Variants in GCC2 observed in about 807,000 individuals in gnomAD.
GCC2 encodes GRIP and coiled-coil domain containing 2.
A neutral mutation model predicts 210.6 loss-of-function variants in GCC2; 120 were observed. That is an observed-to-expected ratio of 0.57 (90% CI 0.49 to 0.66). GCC2 has a LOEUF of 0.66. GCC2 is among the 30% of genes least tolerant of loss of function. The pLI is 0.00. For missense variants in GCC2, 1,868 were observed against 1,871.9 expected, an observed-to-expected ratio of 1.00 and a Z score of 0.04; for synonymous variants, 703 against 652.7, an observed-to-expected ratio of 1.08 and a Z score of -1.17.
intron 19 of GCC2, chr2:108,495,062 T>C (rs1407243760): frequency 2.9e-5 from 8 of 279,806 alleles, no homozygotes; most frequent in Non-Finnish European, 5.5e-5. Context: ...CCACCCACCT[T>C]AGCCTCCCAA....
At chr2:108,500,461 T>G (rs1212595481) in intron 22 of GCC2, among the ~76,000 whole-genome samples, 2 of 152,172 alleles carry the variant, frequency 1.3e-5, no homozygotes, top group East Asian at 3.8e-4. Context: ...TGCAGTGAGC[T>G]GTCACGCCAC....
intron 9 of GCC2, among the ~76,000 whole-genome samples, chr2:108,480,433 A>G (rs1681792068): frequency 6.6e-6 from 1 of 152,222 alleles, no homozygotes. Flanking sequence ...TCATTGTGTC[A>G]TAAAGACACA....
Position 108,507,925 on chromosome 2 carries a change from G to A in GCC2, c.*295G>A, listed in dbSNP as rs914948277. ...CCACTTCTCTGGAACCTCAGGACCC[G>A]CCCATTTCTCGGCAGTACTGTGAAT... On this transcript the variant is annotated 3_prime_UTR_variant, in exon 23 of 23. Transcript: ENST00000309863. 10 of 247,138 alleles carry A rather than the reference G, an allele frequency of 4.0e-5. No homozygotes were observed. Among genetic ancestry groups the A allele is most frequent in the East Asian group, 2.2e-4 (2 of 9,260 alleles). The allele number at this position is 247,138 out of a possible 1,614,324, so 15.3% of individuals were successfully genotyped here. A position where few individuals can be genotyped will look rare whatever the true frequency, so the allele number is the denominator to read the frequency against.
At chr2:108,468,555 G>A (rs1404372657) in intron 4 of GCC2, among the ~76,000 whole-genome samples, 1 of 152,058 alleles carries the variant, frequency 6.6e-6, no homozygotes, top group Non-Finnish European at 1.5e-5. Context: ...GAGGGAGGAA[G>A]GACATAGATT....
In GCC2 at chr2:108,455,729, A is replaced by G. The variant is rs535017347; in HGVS notation, c.216+3263A>G. Among the ~76,000 whole-genome samples, 16 of 152,222 alleles carry G rather than the reference A, an allele frequency of 1.1e-4. 1 individual carries two copies. The East Asian group carries it at 3.1e-3, about 29-fold the overall frequency. ...AACATAATGACCTCCAGCTCCATCC[A>G]TATTCCTGGAAATGGCGTGATCTTA... On this transcript the variant is annotated intron_variant, in intron 4 of 22. Transcript: ENST00000309863.
At chr2:108,486,438 G>A (rs1372512572) in intron 15 of GCC2, 73 bp from the exon 16 acceptor site, 1 of 1,449,740 alleles carries the variant, frequency 6.9e-7, no homozygotes, top group East Asian at 2.3e-5. Context: ...CCTAAAGTTT[G>A]TATTTTAAGG....
chr2:108,495,742 T>C (rs4012138), intron 20 of GCC2: 15 of 237,298 alleles, frequency 6.3e-5, no homozygotes, highest in East Asian at 1.0e-4. Flanking sequence ...TGAGGAGCAG[T>C]GAGAGCCAGT....
At chr2:108,452,776 C>T (rs745385525) in intron 4 of GCC2, among the ~76,000 whole-genome samples, 28 of 146,434 alleles carry the variant, frequency 1.9e-4, no homozygotes, top group Non-Finnish European at 2.8e-4. Context: ...TCACTGTAAC[C>T]TCTGCCTCCC....
In GCC2 at chr2:108,481,790, A is replaced by G. The variant is rs1331317699; in HGVS notation, c.3154A>G (p.Arg1052Gly). The G allele has an allele frequency of 1.3e-6, 2 of 1,578,496 alleles. No homozygotes were observed. Among genetic ancestry groups the G allele is most frequent in the East Asian group, 2.3e-5 (1 of 44,290 alleles). The stretch of plus-strand genomic sequence containing the variant: ...TGAGCATCGTATTGAAGACCTTACA[A>G]GACAATTAAGAAATTCGACTTTGCA... ...NFEHRIEDLT[R>G]QLRNSTLQCE... The change falls in exon 10 of 23, where the codon AGA becomes GGA. Residue 1052 changes from arginine to glycine, a missense_variant. Physicochemically the swap from Arg to Gly is moderately radical, Grantham distance 125. This residue lies in a region of GCC2 where 1,847 missense variants were observed against 1,765.2 expected (regional missense o/e 1.05). Transcript: ENST00000309863.
At chr2:108,476,635 TAAG>T (rs755877339) in intron 9 of GCC2, among the ~76,000 whole-genome samples, 1 of 152,154 alleles carries the variant, frequency 6.6e-6, no homozygotes, top group Non-Finnish European at 1.5e-5. Context: ...ATTAAAAAGA[TAAG>T]AATTAAAAAT....
At chr2:108,484,062 C>T (rs1573211395) in intron 12 of GCC2, 87 bp from the exon 13 acceptor site, 1 of 735,982 alleles carries the variant, frequency 1.4e-6, no homozygotes, top group East Asian at 2.9e-5. Flanking sequence ...GCTGTGGCAT[C>T]ATTTTAGCAA....
intron 22 of GCC2, among the ~76,000 whole-genome samples, chr2:108,500,888 C>T (rs1291505093): frequency 6.6e-6 from 1 of 152,038 alleles, no homozygotes; most frequent in Non-Finnish European, 1.5e-5. Flanking sequence ...TCACCTATAC[C>T]TAGTTTATGT....
chr2:108,452,152 T>C (rs1217460601), intron 3 of GCC2, among the ~76,000 whole-genome samples: 2 of 152,208 alleles, frequency 1.3e-5, no homozygotes, highest in Admixed American at 6.5e-5. Context: ...GTCTGGGGTA[T>C]GCTTGAAAAT....
chr2:108,469,395 C>T lies in GCC2; in HGVS notation c.322-256C>T, dbSNP rs557045453. 4 of 434,406 alleles carry T rather than the reference C, an allele frequency of 9.2e-6. No homozygotes were observed. In the East Asian group the frequency reaches 1.5e-4, roughly 16 times the overall value. 26.9% of individuals were successfully genotyped at this position (434,406 alleles called of 1,614,324 possible). On this transcript the variant is annotated intron_variant, in intron 5 of 22. Coordinates refer to ENST00000309863, the MANE Select transcript of GCC2 (RefSeq NM_181453.4). ...TCTTTAGTTCTACGGTATTCAGAGG[C>T]ATTTCTTGCCTATTTCTTGCCTATT...
In GCC2 at chr2:108,495,356, C is replaced by T. The variant is rs766115496; in HGVS notation, c.4513C>T (p.Leu1505=). Residue 1505 remains leucine, a synonymous_variant, in exon 20 of 23, where the codon CTA becomes TTA. Transcript: ENST00000309863. ...AAGGAGAAACACAGACCTCCCGCTT[C>T]TAGACATGCACACTGTAACCCGGGA... ...RERRNTDLPL[L]DMHTVTREEG... The T allele has an allele frequency of 1.9e-6, 3 of 1,578,584 alleles. No homozygotes were observed. Among genetic ancestry groups the T allele is most frequent in the South Asian group, 1.1e-5 (1 of 90,282 alleles).
intron 22 of GCC2, among the ~76,000 whole-genome samples, chr2:108,503,009 G>A (rs1162694047): frequency 6.6e-6 from 1 of 151,416 alleles, no homozygotes. Context: ...AAAAACAATA[G>A]TGGGAAAAGA....
At chr2:108,467,837 A>C (rs972447284) in intron 4 of GCC2, among the ~76,000 whole-genome samples, 3 of 152,108 alleles carry the variant, frequency 2.0e-5, no homozygotes, top group Non-Finnish European at 4.4e-5. Flanking sequence ...GTTTGTATGA[A>C]ATTGGGATGA....
At chr2:108,480,488 G>A (rs911076755) in intron 9 of GCC2, among the ~76,000 whole-genome samples, 3 of 152,118 alleles carry the variant, frequency 2.0e-5, no homozygotes, top group South Asian at 2.1e-4. Flanking sequence ...TAGCAAAGAC[G>A]TGGAATCAAC....
chr2:108,469,455 T>C (rs1681069462), intron 5 of GCC2, 196 bp from the exon 6 acceptor site: 1 of 504,086 alleles, frequency 2.0e-6, no homozygotes, highest in Non-Finnish European at 3.5e-6. Flanking sequence ...GATTTAATAT[T>C]GTAGATATAT....
Sources: allele counts gnomAD v4.1 joint callset (sites outside exome capture counted in the v4.1 genomes callset), GRCh38; gene constraint gnomAD v4.1.1; regional missense constraint gnomAD v4.1.1; transcripts MANE v1.5; gene names NCBI Gene and HGNC (gene_info 2026-07-23, HGNC 2026-07-21).